RHNO1: variants seen among roughly 807,000 people sequenced by gnomAD.
RHNO1 encodes RAD9-HUS1-RAD1 interacting nuclear orphan 1.
Under a neutral mutation model 7.2 loss-of-function variants are expected in RHNO1, and 9 were observed. The ratio of observed to expected loss-of-function variants is 1.25; its 90% CI spans 0.75 to 2.18. The LOEUF (loss-of-function observed/expected upper bound fraction) is 2.18. Among genes scored for constraint, RHNO1 ranks in the 30% most tolerant of loss-of-function variants. The pLI, the probability that RHNO1 is intolerant of heterozygous loss-of-function variation, is 0.00. For missense variants in RHNO1, 292 were observed against 284.5 expected, an observed-to-expected ratio of 1.03 and a Z score of -0.19; for synonymous variants, 95 against 107.5, an observed-to-expected ratio of 0.88 and a Z score of 0.72.
chr12:2,888,018 A>C lies in RHNO1; in HGVS notation c.276A>C (p.Pro92=). ...GAAAACCTACCACCTCCAAGTTTCC[A>C]CATCTAACTTTTGAGAGTCCGCAAT... is the stretch of plus-strand genomic sequence containing the variant. ...SSRKPTTSKF[P]HLTFESPQSS... Residue 92 remains proline (P), a synonymous_variant, in exon 3 of 3, where the codon CCA becomes CCC. Transcript: ENST00000489288. The C allele has an allele frequency of 6.2e-7, 1 of 1,613,910 alleles. No homozygotes were observed.
At chr12:2,886,866 G>C in intron 2 of RHNO1, 1 of 435,372 alleles carries the variant, frequency 2.3e-6, no homozygotes, top group Non-Finnish European at 4.7e-6. Context: ...CTGTGGATGA[G>C]AGTAGGAATG....
intron 1 of RHNO1, among the ~76,000 whole-genome samples, chr12:2,881,702 C>G (rs904220259): frequency 6.6e-6 from 1 of 151,126 alleles, no homozygotes; most frequent in East Asian, 2.0e-4. Flanking sequence ...GTCAGGAGTT[C>G]GAGACCAGCC....
intron 1 of RHNO1, among the ~76,000 whole-genome samples, chr12:2,881,932 A>C: frequency 6.6e-6 from 1 of 151,638 alleles, no homozygotes; most frequent in Non-Finnish European, 1.5e-5. Context: ...AAAAAAAGAG[A>C]AACTGTGTCC....
At chr12:2,887,701 C>T (rs2098167237) in intron 2 of RHNO1, among the ~76,000 whole-genome samples, 1 of 152,058 alleles carries the variant, frequency 6.6e-6, no homozygotes, top group African/African-American at 2.4e-5. Flanking sequence ...AAAGAGACAT[C>T]GTCCCCTTTC....
chr12:2,884,078 T>C (rs2098162426), intron 1 of RHNO1, among the ~76,000 whole-genome samples: 1 of 152,110 alleles, frequency 6.6e-6, no homozygotes, highest in Admixed American at 6.6e-5. Context: ...TTGTTTGTTT[T>C]GGAGACGAGT....
chr12:2,880,597 G>A (rs887650523), intron 1 of RHNO1, among the ~76,000 whole-genome samples: 1 of 152,088 alleles, frequency 6.6e-6, no homozygotes, highest in Non-Finnish European at 1.5e-5. Context: ...CTGGGCAACA[G>A]AGTGAGACTT....
rs1603503408 is a variant in RHNO1 at position 2,888,584 on chromosome 12, G to A, written c.*125G>A. On this transcript the variant is annotated 3_prime_UTR_variant, in exon 3 of 3. Coordinates refer to ENST00000489288, the MANE Select transcript of RHNO1 (RefSeq NM_001252499.3). The stretch of plus-strand genomic sequence containing the variant: ...GCTCTGTTGCCCAGGCTGGAGTGCA[G>A]TGGTATGATCTCACCTTACTGCAAC... 15 of 822,514 alleles carry A rather than the reference G, an allele frequency of 1.8e-5. No individual in the cohort carries two copies. The East Asian group carries it at 3.5e-4, about 19-fold the overall frequency. 51.0% of individuals were successfully genotyped at this position (822,514 alleles called of 1,614,324 possible).
At chr12:2,883,497 ATATATATATATATATTTT>A (rs1481009856) in intron 1 of RHNO1, among the ~76,000 whole-genome samples, 59 of 23,866 alleles carry the variant, frequency 2.5e-3, no homozygotes, top group East Asian at 0.013. Context: ...ATATATATAT[ATATATATATATATATTTT>A]TTTTTTTTTT....
intron 1 of RHNO1, among the ~76,000 whole-genome samples, chr12:2,884,885 T>A (rs1386195053): frequency 2.0e-5 from 3 of 152,172 alleles, no homozygotes; most frequent in East Asian, 1.9e-4. Flanking sequence ...GTCAGGTATC[T>A]CCCTTTCCAG....
At chr12:2,886,816 C>T (rs1449809878) in intron 2 of RHNO1, among the ~76,000 whole-genome samples, 1 of 152,110 alleles carries the variant, frequency 6.6e-6, no homozygotes, top group Non-Finnish European at 1.5e-5. Flanking sequence ...AACCATAATA[C>T]CTGCTACAGG....
intron 1 of RHNO1, among the ~76,000 whole-genome samples, chr12:2,881,599 G>A (rs1269335578): frequency 6.6e-6 from 1 of 151,984 alleles, no homozygotes; most frequent in Non-Finnish European, 1.5e-5. Context: ...TCTATAAGAT[G>A]TTAGTTCCTT....
intron 1 of RHNO1, among the ~76,000 whole-genome samples, chr12:2,878,419 G>A (rs769576068): frequency 6.6e-6 from 1 of 151,666 alleles, no homozygotes; most frequent in Non-Finnish European, 1.5e-5. Context: ...AATATCTGAG[G>A]GGTTTGAGCT....
In RHNO1 at chr12:2,885,507, C is replaced by G. The variant is rs377569803; in HGVS notation, c.141C>G (p.Pro47=). 1.9e-6 allele frequency: 3 copies of G among 1,613,084 alleles called. No homozygotes were observed. In the African/African-American group the frequency reaches 4.0e-5, roughly 22 times the overall value. The change falls in exon 2 of 3, where the codon CCC becomes CCG. Residue 47 remains proline, a synonymous_variant. Transcript: ENST00000489288. ...ACACTCGACAGGTGCCCAGCAAGCC[C>G]ATTGACCACAGCACCATCACTTCCT... ...ITHTRQVPSK[P]IDHSTITSWV...
At chr12:2,883,495 ATATATATATATATATATT>A (rs1285309128) in intron 1 of RHNO1, among the ~76,000 whole-genome samples, 52 of 21,274 alleles carry the variant, frequency 2.4e-3, no homozygotes, top group Non-Finnish European at 3.2e-3. Context: ...ATATATATAT[ATATATATATATATATATT>A]TTTTTTTTTT....
At chr12:2,876,496 G>GA (rs1352100820), upstream of RHNO1, 8 of 152,396 alleles carry the variant, frequency 5.2e-5, no homozygotes, top group East Asian at 1.4e-3. Context: ...CAAGAACCAG[G>GA]AAAAGGGCCC....
chr12:2,881,233 GC>G (rs879764527), intron 1 of RHNO1, among the ~76,000 whole-genome samples: 1 of 151,872 alleles, frequency 6.6e-6, no homozygotes, highest in Non-Finnish European at 1.5e-5. Flanking sequence ...CTCCTGAGTA[GC>G]AGGGATTATA....
chr12:2,888,445 C>G lies in RHNO1; in HGVS notation c.703C>G (p.Leu235Val). Residue 235 changes from leucine to valine, a missense_variant, in exon 3 of 3, where the codon CTT (leucine) becomes GTT (valine). Transcript: ENST00000489288. ...AGGGAAGCTGAGCAGAAGCCAATTC[C>G]TTGTGAAAAGCTGACTGCCATCAGT... The part of the protein sequence containing the change: ...ERGKLSRSQF[L>V]VKS 1 of 1,567,250 alleles carries G rather than the reference C, an allele frequency of 6.4e-7. No individual in the cohort carries two copies. Among genetic ancestry groups the G allele is most frequent in the Non-Finnish European group, 8.6e-7 (1 of 1,159,264 alleles).
chr12:2,883,917 G>T (rs2098162242), intron 1 of RHNO1, among the ~76,000 whole-genome samples: 1 of 152,014 alleles, frequency 6.6e-6, no homozygotes, highest in Non-Finnish European at 1.5e-5. Flanking sequence ...TGGATAATTG[G>T]TACACAGGGT....
At chr12:2,876,541 C>T (rs2098144088), upstream of RHNO1, 1 of 152,404 alleles carries the variant, frequency 6.6e-6, no homozygotes, top group Non-Finnish European at 1.5e-5. Flanking sequence ...GCGGTGTTGC[C>T]TAGTGGTGAG....
Sources: gnomAD v4.1 joint callset for allele counts (sites outside exome capture counted in the v4.1 genomes callset) on GRCh38, gnomAD v4.1.1 for gene constraint, MANE v1.5 for transcripts, NCBI Gene and HGNC (gene_info 2026-07-23, HGNC 2026-07-21) for gene names.